Variants in ZNF541 observed in about 807,000 individuals in gnomAD.
ZNF541 encodes zinc finger protein 541.
A neutral mutation model predicts 123.5 loss-of-function variants in ZNF541; 23 were observed. The ratio of observed to expected loss-of-function variants is 0.19; its 90% CI spans 0.13 to 0.26. The LOEUF (loss-of-function observed/expected upper bound fraction) is 0.26, where lower values mean the gene tolerates loss of function less well. Ranked by LOEUF, ZNF541 falls within the 10% of genes least tolerant of loss-of-function variation. ZNF541 has a pLI of 1.00. For synonymous variants in ZNF541, 751 were observed against 754.5 expected (o/e 1.00, Z 0.08); for missense variants, 1,612 against 1,789.9 (o/e 0.90, Z 1.79).
chr19:47,530,132 G>A (rs1207428229), intron 12 of ZNF541, among the ~76,000 whole-genome samples: 1 of 151,240 alleles, frequency 6.6e-6, no homozygotes, highest in Non-Finnish European at 1.5e-5. Flanking sequence ...AGGAATACAG[G>A]TGGGTACCAC....
intron 9 of ZNF541, among the ~76,000 whole-genome samples, chr19:47,537,824 G>A (rs1969892994): frequency 6.6e-6 from 1 of 150,550 alleles, no homozygotes; most frequent in South Asian, 2.1e-4. Context: ...GCAGTGAGCT[G>A]TGATCAAGCC....
At position 47,555,720 on chromosome 19, in the gene ZNF541, T is replaced by A; in HGVS notation, c.137A>T (p.Tyr46Phe). The A allele has an allele frequency of 6.4e-7, 1 of 1,551,700 alleles. No homozygotes were observed. The highest frequency in any genetic ancestry group is 2.4e-5 in the East Asian group (1 of 40,922). ...CGGGTCCAGACCACTCAGGCCAGCA[T>A]AAAGAAAGCCTCGCGTGTTGGGACC... The part of the protein sequence containing the change: ...DLGPNTRGFL[Y>F]AGLSGLDPDP... Residue 46 changes from tyrosine to phenylalanine, a missense_variant, in exon 3 of 17, where the codon TAT becomes TTT. This residue lies in a region of ZNF541 where 212 missense variants were observed against 289.6 expected (regional missense o/e 0.73). Transcript: ENST00000391901.
chr19:47,558,076 A>C (rs1389325865), intron 2 of ZNF541, among the ~76,000 whole-genome samples: 1 of 152,150 alleles, frequency 6.6e-6, no homozygotes, highest in Non-Finnish European at 1.5e-5. Context: ...GGAATTAAAG[A>C]GGAAACACAT....
At chr19:47,556,840 C>T (rs751361604) in intron 2 of ZNF541, among the ~76,000 whole-genome samples, 1 of 151,418 alleles carries the variant, frequency 6.6e-6, no homozygotes, top group Non-Finnish European at 1.5e-5. Context: ...TCACTGCAAC[C>T]TCTGCCTCCC....
chr19:47,520,996 T>A lies in ZNF541; in HGVS notation c.*228A>T. 1.8e-6 allele frequency: 1 copy of A among 562,882 alleles called. No individual in the cohort carries two copies. Among genetic ancestry groups the A allele is most frequent in the Admixed American group, 3.1e-5 (1 of 32,774 alleles). The allele number at this position is 562,882 out of a possible 1,614,324, so 34.9% of individuals were successfully genotyped here. On this transcript the variant is annotated 3_prime_UTR_variant, in exon 17 of 17. Coordinates refer to ENST00000391901, the MANE Select transcript of ZNF541 (RefSeq NM_001277075.3). ...GAAAGAAGGGGAGAGACTATGAACC[T>A]AAGGAGAGTGGAGCCTCCAGCACCA...
In ZNF541 at chr19:47,538,199, T is replaced by C; in HGVS notation, c.3037A>G (p.Thr1013Ala). 1 of 1,550,688 alleles carries C rather than the reference T, an allele frequency of 6.4e-7. No individual in the cohort carries two copies. Among genetic ancestry groups the C allele is most frequent in the South Asian group, 1.2e-5 (1 of 84,010 alleles). Residue 1013 changes from threonine (T) to alanine (A), a missense_variant, in exon 9 of 17, where the codon ACC (threonine) becomes GCC (alanine). Thr to Ala is a moderately conservative substitution (Grantham distance 58, BLOSUM62 0). This residue lies in a region of ZNF541 where 285 missense variants were observed against 407.3 expected (regional missense o/e 0.70). Transcript: ENST00000391901. ...GCCTGAGTGGACGTGGAACAGAGGGTGTTGAAGTACACCCCAGAGCCCTCC... is the reference window on the plus strand; with the variant it reads ...GCCTGAGTGGACGTGGAACAGAGGGCGTTGAAGTACACCCCAGAGCCCTCC... ...IREGSGVYFNTLCSTSTQASP... is the reference protein window; with the variant it reads ...IREGSGVYFNALCSTSTQASP...
rs1568501454 is a variant in ZNF541 at position 47,545,205 on chromosome 19, GCGAGGGCACGGC to G, written c.1312_1323del (p.Ala438_Ser441del). On this transcript the variant is annotated inframe_deletion, in exon 5 of 17. Coordinates refer to ENST00000391901, the MANE Select transcript of ZNF541 (RefSeq NM_001277075.3). This position sits in a 1 kb window ranked among gnomAD's most constrained non-coding sequence, Gnocchi z 7.5. Reference sequence around the variant, plus strand: ...CCCGGGCCAGACTCGGAGCCCTCCCGCGAGGGCACGGCCGAGGGCTTGTGGACAACAAACACG... The same window carrying G: ...CCCGGGCCAGACTCGGAGCCCTCCCGCGAGGGCTTGTGGACAACAAACACG... The G allele has an allele frequency of 6.5e-7, 1 of 1,528,602 alleles. No homozygotes were observed. The highest frequency in any genetic ancestry group is 8.8e-7 in the Non-Finnish European group (1 of 1,136,300). 94.7% of individuals were successfully genotyped at this position (1,528,602 alleles called of 1,614,324 possible).
chr19:47,531,835 G>T, intron 11 of ZNF541, 90 bp from the exon 12 acceptor site: 1 of 1,206,834 alleles, frequency 8.3e-7, no homozygotes, highest in Non-Finnish European at 1.2e-6. Context: ...GCAGAGAGGG[G>T]GTGCCTTCCC....
At chr19:47,530,137 T>A (rs2122944591) in intron 12 of ZNF541, among the ~76,000 whole-genome samples, 1 of 152,092 alleles carries the variant, frequency 6.6e-6, no homozygotes, top group African/African-American at 2.4e-5. Context: ...TACAGGTGGG[T>A]ACCACTGTAC....
At chr19:47,525,563 T>A (rs1315522039) in intron 14 of ZNF541, among the ~76,000 whole-genome samples, 3 of 152,196 alleles carry the variant, frequency 2.0e-5, no homozygotes, top group Non-Finnish European at 4.4e-5. Context: ...TTACACCATA[T>A]ACAAAAATTA....
intron 2 of ZNF541, among the ~76,000 whole-genome samples, 103 bp from the exon 3 acceptor site, chr19:47,556,057 T>C (rs1970809580): frequency 6.6e-6 from 1 of 152,216 alleles, no homozygotes; most frequent in Non-Finnish European, 1.5e-5. Flanking sequence ...GGGTCTGTTC[T>C]CTGCCTCATA....
rs887987793 is a variant in ZNF541 at position 47,537,423 on chromosome 19, G to T, written c.3094+719C>A. On this transcript the variant is annotated intron_variant, in intron 9 of 16. Transcript: ENST00000391901. ...TACTAAAAATACAAAAATTAGCCAG[G>T]CATGATGGCGCACGCCTGTAGTCCC... is the stretch of plus-strand genomic sequence containing the variant. Among the ~76,000 whole-genome samples, 65 of 151,442 alleles carry T rather than the reference G, an allele frequency of 4.3e-4. 1 individual carries two copies. The highest frequency in any genetic ancestry group is 1.0e-4 in the Non-Finnish European group (7 of 67,896).
chr19:47,567,797 G>A (rs1971325733), intron 2 of ZNF541, among the ~76,000 whole-genome samples: 1 of 152,156 alleles, frequency 6.6e-6, no homozygotes, highest in African/African-American at 2.4e-5. Context: ...CCAGGCCTCT[G>A]GAGGCATCTG....
rs1005227684 is a variant in ZNF541, at chr19:47,521,874, C to A, written c.3691G>T (p.Val1231Leu). Residue 1231 changes from valine (V) to leucine (L), a missense_variant, in exon 15 of 17, where the codon GTG becomes TTG. Val to Leu is a conservative substitution (Grantham distance 32). Transcript: ENST00000391901. The surrounding 1 kb of genome is among the most constrained non-coding windows in gnomAD (Gnocchi z 4.2). Reference sequence around the variant, plus strand: ...TCTACCTTTTCCTCTGTCCTTTCCACTTCCTCCGGCTCTCTCTTGACCCTC... The same window carrying A: ...TCTACCTTTTCCTCTGTCCTTTCCAATTCCTCCGGCTCTCTCTTGACCCTC... ...EKRVKREPEEVERTEEKVPCS... is the reference protein window; with the variant it reads ...EKRVKREPEELERTEEKVPCS... 2 of 1,551,696 alleles carry A rather than the reference C, an allele frequency of 1.3e-6. No homozygotes were observed. Among genetic ancestry groups the A allele is most frequent in the Admixed American group, 3.9e-5 (2 of 50,978 alleles).
intron 4 of ZNF541, among the ~76,000 whole-genome samples, chr19:47,548,767 C>G (rs974164062): frequency 9.2e-5 from 14 of 152,148 alleles, no homozygotes; most frequent in African/African-American, 3.1e-4. Context: ...CTTCCCTGCG[C>G]TCTGATGGTG....
At chr19:47,544,031 G>T in intron 5 of ZNF541, 95 bp downstream of exon 5, 1 of 1,372,852 alleles carries the variant, frequency 7.3e-7, no homozygotes, top group Non-Finnish European at 9.6e-7. Flanking sequence ...TTGCATCTGG[G>T]GACTCTCTGA....
chr19:47,528,881 GC>G (rs1568484345), intron 14 of ZNF541, 68 bp downstream of exon 14: 8 of 1,337,752 alleles, frequency 6.0e-6, no homozygotes, highest in African/African-American at 1.5e-5. Context: ...CCCCCGACCA[GC>G]CCTGCAGCTC....
intron 5 of ZNF541, among the ~76,000 whole-genome samples, chr19:47,542,488 C>A (rs1265921567): frequency 5.9e-5 from 9 of 151,908 alleles, no homozygotes; most frequent in African/African-American, 2.2e-4. Context: ...CCTGGCTCTA[C>A]TAAAAATACA....
intron 4 of ZNF541, among the ~76,000 whole-genome samples, chr19:47,547,980 G>C (rs1307568454): frequency 1.3e-5 from 2 of 149,886 alleles, no homozygotes; most frequent in Admixed American, 6.7e-5. Flanking sequence ...GCAGAGGCTT[G>C]CAGTGAGCTG....
Sources: allele counts gnomAD v4.1 joint callset (sites outside exome capture counted in the v4.1 genomes callset), GRCh38; gene constraint gnomAD v4.1.1; regional missense constraint gnomAD v4.1.1; non-coding constraint Gnocchi (gnomAD v3.1); transcripts MANE v1.5; gene names NCBI Gene and HGNC (gene_info 2026-07-23, HGNC 2026-07-21).